The following DOCK1 variants were observed in gnomAD, a reference collection of about 807,000 sequenced individuals.
The protein encoded by DOCK1 is dedicator of cytokinesis 1, also known as dedicator of cytokinesis protein 1.
DOCK1 carries 138 observed loss-of-function variants against 262.7 expected under a neutral mutation model. The ratio of observed to expected loss-of-function variants is 0.53; its 90% CI spans 0.46 to 0.61. The LOEUF is 0.61. Among genes scored for constraint, DOCK1 ranks in the 20% least tolerant of loss-of-function variants. The pLI, the probability that DOCK1 is intolerant of heterozygous loss-of-function variation, is 0.00. For synonymous variants in DOCK1, 866 were observed against 867.4 expected, an observed-to-expected ratio of 1.00 and a Z score of 0.03; for missense variants, 1,908 against 2,370.7, an observed-to-expected ratio of 0.80 and a Z score of 4.05.
At chr10:127,186,864 T>A (rs2056322769) in intron 27 of DOCK1, among the ~76,000 whole-genome samples, 1 of 151,920 alleles carries the variant, frequency 6.6e-6, no homozygotes, top group East Asian at 1.9e-4. Flanking sequence ...AACAGACACA[T>A]GCACACACAG....
chr10:127,303,726 G>A (rs536637558), intron 29 of DOCK1, among the ~76,000 whole-genome samples: 2 of 152,210 alleles, frequency 1.3e-5, no homozygotes, highest in East Asian at 3.9e-4. Flanking sequence ...CCGGATCATG[G>A]TGTGTGCCCG....
intron 27 of DOCK1, among the ~76,000 whole-genome samples, chr10:127,205,499 G>C (rs943252910): frequency 6.6e-6 from 1 of 152,200 alleles, no homozygotes; most frequent in Non-Finnish European, 1.5e-5. Context: ...GCTGAACTCA[G>C]ACACGTGTTT....
At chr10:127,075,181 A>C (rs1018468397) in intron 23 of DOCK1, among the ~76,000 whole-genome samples, 3 of 149,188 alleles carry the variant, frequency 2.0e-5, no homozygotes, top group African/African-American at 7.3e-5. Flanking sequence ...AAAAAAAAAA[A>C]AAAAAAAAAA....
At chr10:127,200,748 T>G (rs989379674) in intron 27 of DOCK1, among the ~76,000 whole-genome samples, 3 of 152,210 alleles carry the variant, frequency 2.0e-5, no homozygotes, top group Non-Finnish European at 4.4e-5. Flanking sequence ...GTTCTCAGGA[T>G]GTCTGGATAT....
intron 35 of DOCK1, among the ~76,000 whole-genome samples, chr10:127,379,573 T>A (rs947198666): frequency 1.3e-5 from 2 of 152,230 alleles, no homozygotes; most frequent in Non-Finnish European, 2.9e-5. Flanking sequence ...TAAATTTACT[T>A]TACCTTTTAA....
At chr10:126,906,186 G>A (rs2030771079) in intron 1 of DOCK1, among the ~76,000 whole-genome samples, 1 of 152,204 alleles carries the variant, frequency 6.6e-6, no homozygotes, top group Non-Finnish European at 1.5e-5. Context: ...CCCCAGGCCT[G>A]GAGACCCTTC....
chr10:127,342,537 G>C (rs2063479651), intron 30 of DOCK1, among the ~76,000 whole-genome samples: 1 of 152,186 alleles, frequency 6.6e-6, no homozygotes, highest in African/African-American at 2.4e-5. Context: ...AAAGTGTGCT[G>C]TTCATGGGAA....
intron 1 of DOCK1, among the ~76,000 whole-genome samples, chr10:126,942,099 A>G (rs939694539): frequency 3.8e-4 from 57 of 151,732 alleles, no homozygotes; most frequent in African/African-American, 1.2e-3. Context: ...ATCTCGGCTC[A>G]CTGCAAGCTC....
At chr10:127,004,246 A>G (rs1435547081) in intron 10 of DOCK1, among the ~76,000 whole-genome samples, 6 of 137,578 alleles carry the variant, frequency 4.4e-5, no homozygotes, top group South Asian at 4.6e-4. Flanking sequence ...TCTCAAAAAA[A>G]AAAAGAAAAG....
At position 126,999,375 on chromosome 10, in the gene DOCK1, G is replaced by A; in HGVS notation, c.789G>A (p.Trp263Ter). Residue 263 changes from tryptophan (W) to a stop codon, truncating the protein, a stop_gained, in exon 9 of 52, where the codon TGG becomes TGA. Transcript: ENST00000623213. LOFTEE classifies it high-confidence loss of function. ...CAAGTGAGAACTACCTGGTTCGCTG[G>A]TCCAGTTCAGGATTACCTAAAGACA... ...KFISENYLVR[W>*]SSSGLPKDID... is the part of the protein sequence containing the mutation. 6.2e-7 allele frequency: 1 copy of A among 1,613,220 alleles called. No individual in the cohort carries two copies.
chr10:126,999,323 T>G (rs1330391737), intron 8 of DOCK1, 31 bp from the exon 9 acceptor site: 1 of 1,585,988 alleles, frequency 6.3e-7, no homozygotes, highest in Non-Finnish European at 8.6e-7. Context: ...ATTTGGAAAA[T>G]TAACTTGCTT....
intron 1 of DOCK1, among the ~76,000 whole-genome samples, chr10:126,914,099 C>G (rs1287178061): frequency 6.6e-6 from 1 of 152,212 alleles, no homozygotes; most frequent in Non-Finnish European, 1.5e-5. Context: ...AATTCAGGCT[C>G]TCCCCAGCCC....
chr10:126,909,793 G>A (rs1223173910), intron 1 of DOCK1, among the ~76,000 whole-genome samples: 2 of 152,220 alleles, frequency 1.3e-5, no homozygotes, highest in South Asian at 2.1e-4. Flanking sequence ...AGTACTCAAC[G>A]AAGCGTTGCT....
chr10:127,278,493 C>A (rs2060827571), intron 29 of DOCK1, among the ~76,000 whole-genome samples: 1 of 152,168 alleles, frequency 6.6e-6, no homozygotes, highest in Non-Finnish European at 1.5e-5. Flanking sequence ...TAATCTCTCT[C>A]ATCCAATCTG....
chr10:127,353,618 G>C (rs1359002368), intron 31 of DOCK1, among the ~76,000 whole-genome samples: 6 of 152,218 alleles, frequency 3.9e-5, no homozygotes, highest in Non-Finnish European at 8.8e-5. Context: ...AGCGTGTCCT[G>C]GTAGGGAGTG....
intron 27 of DOCK1, among the ~76,000 whole-genome samples, chr10:127,213,680 C>T (rs1033591783): frequency 1.3e-5 from 2 of 152,152 alleles, no homozygotes; most frequent in Non-Finnish European, 2.9e-5. Context: ...CTCACAGGCT[C>T]CTTATTTATT....
chr10:127,174,829 TG>T (rs1314652582), intron 27 of DOCK1, among the ~76,000 whole-genome samples: 10 of 152,370 alleles, frequency 6.6e-5, no homozygotes, highest in African/African-American at 2.4e-4. Context: ...AAGAGGCCTG[TG>T]GCCTCTTCTC....
chr10:127,133,760 T>C (rs1384257929), intron 27 of DOCK1, among the ~76,000 whole-genome samples: 2 of 152,242 alleles, frequency 1.3e-5, no homozygotes, highest in Non-Finnish European at 2.9e-5. Flanking sequence ...AATGACCTTG[T>C]CATTGACCAA....
intron 27 of DOCK1, among the ~76,000 whole-genome samples, chr10:127,155,354 G>C (rs1266558068): frequency 6.6e-6 from 1 of 152,206 alleles, no homozygotes; most frequent in Non-Finnish European, 1.5e-5. Context: ...GTTATGTGCA[G>C]TTTGTTGATC....
Sources: gnomAD v4.1 joint callset for allele counts (sites outside exome capture counted in the v4.1 genomes callset) on GRCh38, gnomAD v4.1.1 for gene constraint, MANE v1.5 for transcripts, NCBI Gene and HGNC (gene_info 2026-07-23, HGNC 2026-07-21) for gene names.